NLRP12: variants seen among roughly 807,000 people sequenced by gnomAD.
The protein encoded by NLRP12 is NACHT, LRR and PYD domains-containing protein 12.
A neutral mutation model predicts 91.2 loss-of-function variants in NLRP12; 108 were observed. The ratio of observed to expected loss-of-function variants is 1.18; its 90% CI spans 1.01 to 1.39. The LOEUF is 1.39. Ranked by LOEUF, NLRP12 falls within the 40% of genes most tolerant of loss-of-function variation. The probability of loss-of-function intolerance (pLI) is 0.00; values close to 1 mark genes in which losing one functional copy is unlikely to be tolerated. For missense variants in NLRP12, 1,530 were observed against 1,352.7 expected, an observed-to-expected ratio of 1.13 and a Z score of -2.06; for synonymous variants, 613 against 566.7, an observed-to-expected ratio of 1.08 and a Z score of -1.16.
chr19:53,800,077 G>A (rs1366501100), intron 7 of NLRP12, among the ~76,000 whole-genome samples: 2 of 152,066 alleles, frequency 1.3e-5, no homozygotes, highest in African/African-American at 2.4e-5. Flanking sequence ...GAGGCAGGTG[G>A]ATCATGAGGT....
In NLRP12 at chr19:53,809,583, T is replaced by C. The variant is rs887585784; in HGVS notation, c.2072+4A>G. On this transcript the variant is annotated splice_donor_region_variant and intron_variant, in intron 3 of 9. Coordinates refer to ENST00000324134, the MANE Select transcript of NLRP12 (RefSeq NM_144687.4). ...GCCCCAGGGGATACCCCAGGGATAC[T>C]TACAGCTGCACCAACAGCGTGTGCG... is the stretch of plus-strand genomic sequence containing the variant. 6 of 1,597,274 alleles carry C rather than the reference T, an allele frequency of 3.8e-6. No individual in the cohort carries two copies. The African/African-American group carries it at 8.2e-5, about 22-fold the overall frequency.
Position 53,822,135 on chromosome 19 carries a change from T to G in NLRP12, c.289+1751A>C, listed in dbSNP as rs1305761353. 2.6e-5 allele frequency among the ~76,000 whole-genome samples: 4 copies of G among 152,244 alleles called. No homozygotes were observed. In the East Asian group the frequency reaches 7.7e-4, roughly 29 times the overall value. ...AAATCTCACCATTGGGTACTATTAC[T>G]ATGTTCAAGTACCTGCATGATAGGA... On this transcript the variant is annotated intron_variant, in intron 1 of 9. Coordinates refer to ENST00000324134, the MANE Select transcript of NLRP12 (RefSeq NM_144687.4).
At chr19:53,800,077 G>C (rs1366501100) in intron 7 of NLRP12, among the ~76,000 whole-genome samples, 1 of 152,066 alleles carries the variant, frequency 6.6e-6, no homozygotes, top group African/African-American at 2.4e-5. Context: ...GAGGCAGGTG[G>C]ATCATGAGGT....
chr19:53,824,113 T>G lies in NLRP12; in HGVS notation c.62A>C (p.Glu21Ala), dbSNP rs2092308397. The change falls in exon 1 of 10, where the codon GAG (glutamate) becomes GCG (alanine). Residue 21 changes from glutamate (E) to alanine (A), a missense_variant. Transcript: ENST00000324134. ...CRLSTYLEEL[E>A]AVELKKFKLY... Reference sequence around the variant, plus strand: ...CTTGAACTTCTTCAGTTCCACAGCCTCGAGTTCTTCCAAGTAGGTGGACAG... The same window carrying G: ...CTTGAACTTCTTCAGTTCCACAGCCGCGAGTTCTTCCAAGTAGGTGGACAG... 6.2e-7 allele frequency: 1 copy of G among 1,613,932 alleles called. No individual in the cohort carries two copies. The highest frequency in any genetic ancestry group is 1.3e-5 in the African/African-American group (1 of 74,868).
At chr19:53,816,546 C>T (rs546670557) in intron 1 of NLRP12, among the ~76,000 whole-genome samples, 2 of 151,998 alleles carry the variant, frequency 1.3e-5, no homozygotes, top group East Asian at 1.9e-4. Flanking sequence ...TTATTTGAGA[C>T]AGTCTCGCTC....
At chr19:53,801,898 G>T (rs1423180888) in intron 6 of NLRP12, among the ~76,000 whole-genome samples, 1 of 151,620 alleles carries the variant, frequency 6.6e-6, no homozygotes, top group Non-Finnish European at 1.5e-5. Context: ...TTTGAGACCA[G>T]CCTGACCAAC....
In NLRP12 at chr19:53,793,987, G is replaced by C. The variant is rs992599457; in HGVS notation, c.*62C>G. On this transcript the variant is annotated 3_prime_UTR_variant, in exon 10 of 10. Coordinates refer to ENST00000324134, the MANE Select transcript of NLRP12 (RefSeq NM_144687.4). ...AGGCTGATCATTATGCTGGGGGGGT[G>C]ATGAGCACCCTCCCATCTTCCTCTG... The C allele has an allele frequency of 8.7e-7, 1 of 1,152,412 alleles. No homozygotes were observed. The allele number at this position is 1,152,412 out of a possible 1,614,324, so 71.4% of individuals were successfully genotyped here. A position where few individuals can be genotyped will look rare whatever the true frequency, so the allele number is the denominator to read the frequency against.
intron 4 of NLRP12, chr19:53,805,718 A>G (rs1316305128): frequency 1.3e-5 from 6 of 452,532 alleles, no homozygotes; most frequent in Non-Finnish European, 2.1e-5. Flanking sequence ...GGGTTTCACC[A>G]TGTTGGCCAG....
At chr19:53,819,565 A>ATG (rs2092228589) in intron 1 of NLRP12, among the ~76,000 whole-genome samples, 1 of 92,314 alleles carries the variant, frequency 1.1e-5, no homozygotes, top group Non-Finnish European at 2.5e-5. Flanking sequence ...GTATACGTAT[A>ATG]TATATGCGTA....
At chr19:53,801,165 C>T in intron 7 of NLRP12, 62 bp downstream of exon 7, 1 of 1,521,112 alleles carries the variant, frequency 6.6e-7, no homozygotes, top group Non-Finnish European at 9.1e-7. Flanking sequence ...TCCGTGGTCC[C>T]AGGTGAGAGG....
At chr19:53,809,522 A>T in intron 3 of NLRP12, 65 bp downstream of exon 3, 3 of 861,676 alleles carry the variant, frequency 3.5e-6, no homozygotes, top group Non-Finnish European at 4.4e-6. Context: ...CAGAGCAAAA[A>T]AAAAAAAAAA....
rs569225953 is a variant in NLRP12 at position 53,817,068 on chromosome 19, G to A, written c.290-2080C>T. On this transcript the variant is annotated intron_variant, in intron 1 of 9. Transcript: ENST00000324134. Reference sequence around the variant, plus strand: ...GCACTTTGGGAGGCCAAGGCGGGTGGATCACAAGGTCAGGAGATCGAGACC... The same window carrying A: ...GCACTTTGGGAGGCCAAGGCGGGTGAATCACAAGGTCAGGAGATCGAGACC... 5.3e-5 allele frequency among the ~76,000 whole-genome samples: 8 copies of A among 151,082 alleles called. No homozygotes were observed. In the East Asian group the frequency reaches 6.1e-4, roughly 12 times the overall value.
At chr19:53,819,589 A>ATACATG (rs1170752701) in intron 1 of NLRP12, among the ~76,000 whole-genome samples, 1 of 57,578 alleles carries the variant, frequency 1.7e-5, no homozygotes. Flanking sequence ...ATGTATGTAT[A>ATACATG]CGTATATACG....
intron 1 of NLRP12, 41 bp from the exon 2 acceptor site, chr19:53,815,029 G>C: frequency 6.9e-7 from 1 of 1,442,250 alleles, no homozygotes. Flanking sequence ...CACGCATCTG[G>C]CTAGTAGCAC....
At chr19:53,799,316 G>A (rs2091827848) in intron 7 of NLRP12, among the ~76,000 whole-genome samples, 1 of 151,784 alleles carries the variant, frequency 6.6e-6, no homozygotes, top group African/African-American at 2.4e-5. Flanking sequence ...AGCCGCGTGT[G>A]TGATTTTTTG....
intron 2 of NLRP12, among the ~76,000 whole-genome samples, chr19:53,813,108 T>C (rs2092101952): frequency 6.6e-6 from 1 of 151,870 alleles, no homozygotes; most frequent in African/African-American, 2.4e-5. Context: ...TTCGAACTCC[T>C]GACCTCAAGT....
At chr19:53,813,470 T>A (rs2092112412) in intron 2 of NLRP12, among the ~76,000 whole-genome samples, 1 of 151,130 alleles carries the variant, frequency 6.6e-6, no homozygotes. Context: ...CCTGGCTAAT[T>A]TTTTTGTATT....
At chr19:53,805,005 G>A (rs372554833) in intron 5 of NLRP12, among the ~76,000 whole-genome samples, 3 of 152,178 alleles carry the variant, frequency 2.0e-5, no homozygotes, top group East Asian at 3.9e-4. Flanking sequence ...ACCCCAACTT[G>A]GGCAACATAG....
At chr19:53,819,577 ATATG>A (rs1186896837) in intron 1 of NLRP12, among the ~76,000 whole-genome samples, 2 of 85,980 alleles carry the variant, frequency 2.3e-5, no homozygotes, top group African/African-American at 9.7e-5. Context: ...ATATGCGTAT[ATATG>A]TATGTATACG....
Sources: gnomAD v4.1 joint callset for allele counts (sites outside exome capture counted in the v4.1 genomes callset) on GRCh38, gnomAD v4.1.1 for gene constraint, MANE v1.5 for transcripts, NCBI Gene and HGNC (gene_info 2026-07-23, HGNC 2026-07-21) for gene names.